The following CACNG4 variants were observed in gnomAD, a reference collection of about 807,000 sequenced individuals.
The protein encoded by CACNG4 is calcium voltage-gated channel auxiliary subunit gamma 4, also known as voltage-dependent calcium channel gamma-4 subunit.
Under a neutral mutation model 22.9 loss-of-function variants are expected in CACNG4, and 8 were observed. The observed-to-expected ratio is 0.35, with a 90% CI of 0.21 to 0.63. CACNG4 has a LOEUF of 0.63. Ranked by LOEUF, CACNG4 falls within the 30% of genes least tolerant of loss-of-function variation. CACNG4 has a pLI of 0.72. For synonymous variants in CACNG4, 188 were observed against 191.9 expected, an observed-to-expected ratio of 0.98 and a Z score of 0.17; for missense variants, 357 against 455.4, an observed-to-expected ratio of 0.78 and a Z score of 1.97.
intron 1 of CACNG4, among the ~76,000 whole-genome samples, chr17:67,010,169 C>G (rs533338879): frequency 6.6e-6 from 1 of 152,318 alleles, no homozygotes; most frequent in South Asian, 2.1e-4. Context: ...CAAGCTCTGC[C>G]TTTGTCCCCA....
intron 1 of CACNG4, among the ~76,000 whole-genome samples, chr17:66,991,744 G>C (rs895682030): frequency 1.3e-5 from 2 of 152,150 alleles, no homozygotes; most frequent in Admixed American, 1.3e-4. Context: ...TCTGATATGT[G>C]ACCCACCAGG....
intron 1 of CACNG4, among the ~76,000 whole-genome samples, chr17:66,988,840 C>T (rs1408476944): frequency 1.3e-5 from 2 of 152,140 alleles, no homozygotes; most frequent in Admixed American, 6.5e-5. Context: ...GGGTGGATCA[C>T]TTGAGGCCAG....
At chr17:66,995,250 G>A (rs1026033628) in intron 1 of CACNG4, among the ~76,000 whole-genome samples, 17 of 152,134 alleles carry the variant, frequency 1.1e-4, no homozygotes, top group African/African-American at 4.1e-4. Context: ...ATTGAGAGGG[G>A]GTTTCTGCTG....
In CACNG4 at chr17:67,031,018, T is replaced by C. The variant is rs200543453; in HGVS notation, c.*14T>C. 6.2e-7 allele frequency: 1 copy of C among 1,601,572 alleles called. No homozygotes were observed. Among genetic ancestry groups the C allele is most frequent in the Non-Finnish European group, 8.5e-7 (1 of 1,172,410 alleles). Reference sequence around the variant, plus strand: ...ACCCCTGTGTGAGCCGCCTGCCCTTTCTCTCCGCTCCAGCCTCTCCCCAGA... The same window carrying C: ...ACCCCTGTGTGAGCCGCCTGCCCTTCCTCTCCGCTCCAGCCTCTCCCCAGA... On this transcript the variant is annotated 3_prime_UTR_variant, in exon 4 of 4. Coordinates refer to ENST00000262138, the MANE Select transcript of CACNG4 (RefSeq NM_014405.4). This position sits in a 1 kb window ranked among gnomAD's most constrained non-coding sequence, Gnocchi z 4.0.
chr17:66,993,538 C>T (rs191563202), intron 1 of CACNG4, among the ~76,000 whole-genome samples: 5 of 152,210 alleles, frequency 3.3e-5, no homozygotes, highest in South Asian at 2.1e-4. Flanking sequence ...GGCACTCCCA[C>T]GCCTGTTCTT....
chr17:66,976,104 G>A lies in CACNG4; in HGVS notation c.220+10973G>A, dbSNP rs9916442. Among the ~76,000 whole-genome samples the A allele has an allele frequency of 7.0e-3, 1,066 of 152,248 alleles. 9 individuals are homozygous for A. The highest frequency in any genetic ancestry group is 9.4e-3 in the Non-Finnish European group (640 of 67,996). On this transcript the variant is annotated intron_variant, in intron 1 of 3. Transcript: ENST00000262138. ...ACCGACACCTGCCGAGAGCCCTGCCGCGTCAGGTGACCTCCCAGTGTCTCA... is the reference window on the plus strand; with the variant it reads ...ACCGACACCTGCCGAGAGCCCTGCCACGTCAGGTGACCTCCCAGTGTCTCA...
In CACNG4 at chr17:67,031,256, T is replaced by C. The variant is rs1462504057; in HGVS notation, c.*252T>C. On this transcript the variant is annotated 3_prime_UTR_variant, in exon 4 of 4. Coordinates refer to ENST00000262138, the MANE Select transcript of CACNG4 (RefSeq NM_014405.4). This position sits in a 1 kb window ranked among gnomAD's most constrained non-coding sequence, Gnocchi z 4.0. ...GGGTGTTTTGATGCCTCAGGGTCTC[T>C]GAAATCTCCCGGGAAGCCCCAGAGC... 1.7e-5 allele frequency: 11 copies of C among 648,936 alleles called. No homozygotes were observed. The highest frequency in any genetic ancestry group is 2.5e-5 in the Non-Finnish European group (9 of 353,038). The allele number at this position is 648,936 out of a possible 1,614,324, so 40.2% of individuals were successfully genotyped here.
At chr17:67,018,351 A>T in intron 2 of CACNG4, 79 bp downstream of exon 2, 1 of 1,010,796 alleles carries the variant, frequency 9.9e-7, no homozygotes, top group South Asian at 1.3e-5. Flanking sequence ...AAAGAGAGAC[A>T]CTGGGCATGG....
intron 1 of CACNG4, among the ~76,000 whole-genome samples, chr17:67,013,064 AG>A (rs1370980174): frequency 1.3e-5 from 2 of 152,200 alleles, no homozygotes; most frequent in Non-Finnish European, 2.9e-5. Context: ...AATGGCTCAC[AG>A]GGTGACCAGC....
chr17:67,012,452 C>G (rs999086740), intron 1 of CACNG4, among the ~76,000 whole-genome samples: 1 of 152,074 alleles, frequency 6.6e-6, no homozygotes, highest in African/African-American at 2.4e-5. Flanking sequence ...GACCAGGCAT[C>G]GGGGAGGGGA....
rs371870032 is a variant in CACNG4 at position 67,030,865 on chromosome 17, A to C, written c.845A>C (p.Glu282Ala). 6.2e-7 allele frequency: 1 copy of C among 1,612,904 alleles called. No individual in the cohort carries two copies. Among genetic ancestry groups the C allele is most frequent in the Non-Finnish European group, 8.5e-7 (1 of 1,180,004 alleles). Residue 282 changes from glutamate (E) to alanine (A), a missense_variant, in exon 4 of 4, where the codon GAG becomes GCG. This residue lies in a region of CACNG4 where 240 missense variants were observed against 277.6 expected (regional missense o/e 0.86). Coordinates refer to ENST00000262138, the MANE Select transcript of CACNG4 (RefSeq NM_014405.4). The surrounding 1 kb of genome is among the most constrained non-coding windows in gnomAD (Gnocchi z 6.4). Reference sequence around the variant, plus strand: ...CTGTCCATGTACACGCTGTCCAGGGAGCCCCTCAAGGTGACCACCGCAGCC... The same window carrying C: ...CTGTCCATGTACACGCTGTCCAGGGCGCCCCTCAAGGTGACCACCGCAGCC... ...GELSMYTLSR[E>A]PLKVTTAASY...
At chr17:67,013,290 T>A (rs1355564669) in intron 1 of CACNG4, among the ~76,000 whole-genome samples, 2 of 152,200 alleles carry the variant, frequency 1.3e-5, no homozygotes, top group East Asian at 3.9e-4. Flanking sequence ...GCATCTGCTG[T>A]CATTTCAGAC....
chr17:67,028,134 C>CTCAG (rs1321443953), intron 3 of CACNG4, among the ~76,000 whole-genome samples: 5 of 152,198 alleles, frequency 3.3e-5, no homozygotes, highest in African/African-American at 1.2e-4. Context: ...GACTGGTGTG[C>CTCAG]TCAGGGCAGG....
chr17:67,022,040 C>T (rs1047148408), intron 2 of CACNG4, among the ~76,000 whole-genome samples: 1 of 150,640 alleles, frequency 6.6e-6, no homozygotes, highest in African/African-American at 2.4e-5. Flanking sequence ...GGCTCTGAGC[C>T]AAGCCTGGGC....
In CACNG4 at chr17:67,031,166, G is replaced by T. The variant is rs2035603542; in HGVS notation, c.*162G>T. ...TGGGCTGGCTTTGCACGAAGGTTGT[G>T]CTGGGAGACCGGACCCGGGGCTGCA... On this transcript the variant is annotated 3_prime_UTR_variant, in exon 4 of 4. Coordinates refer to ENST00000262138, the MANE Select transcript of CACNG4 (RefSeq NM_014405.4). The surrounding 1 kb of genome is among the most constrained non-coding windows in gnomAD (Gnocchi z 4.0). The T allele has an allele frequency of 2.7e-6, 2 of 742,314 alleles. No homozygotes were observed. The highest frequency in any genetic ancestry group is 4.4e-6 in the Non-Finnish European group (2 of 455,986). 46.0% of individuals were successfully genotyped at this position (742,314 alleles called of 1,614,324 possible).
chr17:66,994,327 C>CA (rs142191712), intron 1 of CACNG4, among the ~76,000 whole-genome samples: 45,300 of 125,400 alleles, frequency 0.36, 8,206 homozygotes, highest in Non-Finnish European at 0.46. Flanking sequence ...ACCCTATTTC[C>CA]AAAAAAAAAA....
intron 1 of CACNG4, among the ~76,000 whole-genome samples, chr17:66,992,265 A>G (rs7225652): frequency 0.73 from 111,232 of 152,046 alleles, 42,021 homozygotes; most frequent in African/African-American, 0.93. Flanking sequence ...AATAGGTCCC[A>G]TAGATTGGGG....
At chr17:67,026,927 C>T (rs911055966) in intron 3 of CACNG4, among the ~76,000 whole-genome samples, 4 of 151,812 alleles carry the variant, frequency 2.6e-5, no homozygotes, top group African/African-American at 7.3e-5. Context: ...CCCCAGTGCC[C>T]GCCACCTGCT....
intron 1 of CACNG4, among the ~76,000 whole-genome samples, chr17:66,972,632 G>A (rs957572137): frequency 1.4e-5 from 2 of 146,832 alleles, no homozygotes; most frequent in Non-Finnish European, 3.0e-5. Flanking sequence ...TTCCCTTCGA[G>A]AAAGCACATG....
Sources: gnomAD v4.1 joint callset for allele counts (sites outside exome capture counted in the v4.1 genomes callset) on GRCh38, gnomAD v4.1.1 for gene constraint, gnomAD v4.1.1 regional missense constraint, Gnocchi (gnomAD v3.1) non-coding constraint, MANE v1.5 for transcripts, NCBI Gene and HGNC (gene_info 2026-07-23, HGNC 2026-07-21) for gene names.